Variants in PTPRJ observed in about 807,000 individuals in gnomAD.
The protein encoded by PTPRJ is protein tyrosine phosphatase receptor type J, also known as receptor-type tyrosine-protein phosphatase eta.
In PTPRJ, 129 loss-of-function variants were observed where a neutral mutation model predicts 141.3. That is an observed-to-expected ratio of 0.91 (90% CI 0.79 to 1.06). PTPRJ has a LOEUF of 1.06. Ranked by LOEUF, PTPRJ falls within the 50% of genes least tolerant of loss-of-function variation. The pLI is 0.00. For missense variants in PTPRJ, 1,601 were observed against 1,679.7 expected (o/e 0.95, Z 0.82); for synonymous variants, 610 against 640.5 (o/e 0.95, Z 0.72).
At chr11:47,993,831 A>ATT (rs1001975747) in intron 1 of PTPRJ, among the ~76,000 whole-genome samples, 7 of 139,482 alleles carry the variant, frequency 5.0e-5, no homozygotes, top group Middle Eastern at 3.9e-3. Context: ...CAAACAGTTC[A>ATT]TTTTTTTTTT....
intron 11 of PTPRJ, among the ~76,000 whole-genome samples, 188 bp downstream of exon 11, chr11:48,139,964 AG>A (rs1332213220): frequency 6.6e-6 from 1 of 152,194 alleles, no homozygotes; most frequent in Non-Finnish European, 1.5e-5. Context: ...GCAGAGTAAG[AG>A]GGGCTCATTT....
chr11:48,075,298 C>T (rs746532635), intron 1 of PTPRJ, among the ~76,000 whole-genome samples: 2 of 152,046 alleles, frequency 1.3e-5, no homozygotes, highest in Non-Finnish European at 2.9e-5. Flanking sequence ...GGCCCGCTAC[C>T]ACGCCCAGCT....
intron 2 of PTPRJ, 42 bp downstream of exon 2, chr11:48,110,118 T>C (rs557528483): frequency 1.3e-6 from 2 of 1,587,058 alleles, no homozygotes; most frequent in East Asian, 2.2e-5. Context: ...TGTTCGCTAC[T>C]GCCCCCTAAT....
At chr11:48,153,711 G>T in intron 18 of PTPRJ, 85 bp from the exon 19 acceptor site, 2 of 864,358 alleles carry the variant, frequency 2.3e-6, no homozygotes, top group Non-Finnish European at 3.8e-6. Flanking sequence ...GGACTGTTGG[G>T]CTGGTTTCAC....
chr11:48,004,420 AT>A (rs1854574368), intron 1 of PTPRJ, among the ~76,000 whole-genome samples: 1 of 152,234 alleles, frequency 6.6e-6, no homozygotes, highest in African/African-American at 2.4e-5. Flanking sequence ...ACAGGAAGTC[AT>A]GGTGACAGCT....
At chr11:48,118,291 C>T (rs1402439328) in intron 3 of PTPRJ, among the ~76,000 whole-genome samples, 3 of 152,100 alleles carry the variant, frequency 2.0e-5, no homozygotes, top group Non-Finnish European at 2.9e-5. Flanking sequence ...CACTGTGTTG[C>T]CCAGGCTGCT....
chr11:48,026,988 G>A (rs1393106085), intron 1 of PTPRJ, among the ~76,000 whole-genome samples: 1 of 147,240 alleles, frequency 6.8e-6, no homozygotes, highest in Non-Finnish European at 1.5e-5. Context: ...GATGGGTCTT[G>A]GAATACCCTT....
intron 1 of PTPRJ, among the ~76,000 whole-genome samples, chr11:48,060,415 C>G (rs1854886342): frequency 6.6e-6 from 1 of 151,228 alleles, no homozygotes; most frequent in Middle Eastern, 3.4e-3. Flanking sequence ...GAAACAGAAG[C>G]TGTTTTTTTT....
chr11:48,092,982 G>A (rs993340009), intron 1 of PTPRJ, among the ~76,000 whole-genome samples: 1 of 152,124 alleles, frequency 6.6e-6, no homozygotes, highest in African/African-American at 2.4e-5. Flanking sequence ...ATTATCAAAT[G>A]CTTTTCTGCA....
At chr11:48,052,715 A>T (rs913722944) in intron 1 of PTPRJ, among the ~76,000 whole-genome samples, 2 of 152,074 alleles carry the variant, frequency 1.3e-5, no homozygotes, top group Non-Finnish European at 2.9e-5. Flanking sequence ...TGTCAAGCTT[A>T]TTTGCCCAAA....
intron 3 of PTPRJ, among the ~76,000 whole-genome samples, chr11:48,119,657 G>T (rs1856657075): frequency 6.6e-6 from 1 of 152,194 alleles, no homozygotes; most frequent in South Asian, 2.1e-4. Flanking sequence ...GCCTGCCTCA[G>T]CCTCCCAAAG....
At position 48,125,077 on chromosome 11, in the gene PTPRJ, G is replaced by A. The variant is rs768150790; in HGVS notation, c.984G>A (p.Thr328=). Residue 328 remains threonine, a synonymous_variant, in exon 6 of 25, where the codon ACG becomes ACA. Transcript: ENST00000418331. ...DPSSGQQSRD[T]EVLLVGLEPG... ...CCTCCGGCCAGCAGTCCCGAGACAC[G>A]GAAGTCCTGCTTGTCGGGTTAGAGC... 9 of 1,613,930 alleles carry A rather than the reference G, an allele frequency of 5.6e-6. No homozygotes were observed. In the African/African-American group the frequency reaches 1.1e-4, roughly 19 times the overall value.
intron 19 of PTPRJ, among the ~76,000 whole-genome samples, chr11:48,154,622 A>G (rs939655189): frequency 2.6e-5 from 4 of 152,230 alleles, no homozygotes; most frequent in Admixed American, 6.5e-5. Context: ...GACTTTGCAG[A>G]TAATTTTTAC....
intron 1 of PTPRJ, among the ~76,000 whole-genome samples, chr11:48,049,559 ACAAAAC>A (rs1854502969): frequency 6.7e-6 from 1 of 149,486 alleles, no homozygotes; most frequent in African/African-American, 2.5e-5. Flanking sequence ...ACAAAACAAA[ACAAAAC>A]AAGTCGGGTG....
chr11:48,001,860 T>C (rs1484110362), intron 1 of PTPRJ, among the ~76,000 whole-genome samples: 1 of 152,134 alleles, frequency 6.6e-6, no homozygotes, highest in African/African-American at 2.4e-5. Context: ...CAGGTAGTGG[T>C]GCAGACACTT....
At chr11:48,157,524 T>G (rs1857641885) in intron 21 of PTPRJ, among the ~76,000 whole-genome samples, 1 of 152,224 alleles carries the variant, frequency 6.6e-6, no homozygotes, top group African/African-American at 2.4e-5. Context: ...CCTCAGAGTT[T>G]CTAATTCGGA....
chr11:47,993,933 G>A (rs1442386879), intron 1 of PTPRJ, among the ~76,000 whole-genome samples: 7 of 151,424 alleles, frequency 4.6e-5, no homozygotes, highest in Non-Finnish European at 7.4e-5. Flanking sequence ...GGTTCAAGCA[G>A]TTCTCCTGCC....
In PTPRJ at chr11:48,155,801, A is replaced by G; in HGVS notation, c.3230A>G (p.Tyr1077Cys). ...GACCTTTTTTCTTTTAATGTCACAG[A>G]TGATATTTCCCGTGTCAAACTTTCG... ...GKNRYNNVLP[Y>C]DISRVKLSVQ... Residue 1077 changes from tyrosine to cysteine, a missense_variant and splice_region_variant, in exon 20 of 25, where the codon TAT becomes TGT. Transcript: ENST00000418331. The G allele has an allele frequency of 6.3e-7, 1 of 1,591,332 alleles. No individual in the cohort carries two copies. The highest frequency in any genetic ancestry group is 8.6e-7 in the Non-Finnish European group (1 of 1,161,548).
chr11:48,010,913 C>G (rs1590401910), intron 1 of PTPRJ, among the ~76,000 whole-genome samples: 1 of 151,880 alleles, frequency 6.6e-6, no homozygotes, highest in South Asian at 2.1e-4. Flanking sequence ...TTCCTGAGCC[C>G]AAGTCATCCT....
Sources: allele counts gnomAD v4.1 joint callset (sites outside exome capture counted in the v4.1 genomes callset), GRCh38; gene constraint gnomAD v4.1.1; transcripts MANE v1.5; gene names NCBI Gene and HGNC (gene_info 2026-07-23, HGNC 2026-07-21).